DROSHA: variants seen among roughly 807,000 people sequenced by gnomAD.
The protein encoded by DROSHA is ribonuclease 3.
A neutral mutation model predicts 181.9 loss-of-function variants in DROSHA; 56 were observed. The ratio of observed to expected loss-of-function variants is 0.31; its 90% CI spans 0.25 to 0.38. The LOEUF (loss-of-function observed/expected upper bound fraction) is 0.38, where lower values mean the gene tolerates loss of function less well. Ranked by LOEUF, DROSHA falls within the 10% of genes least tolerant of loss-of-function variation. DROSHA has a pLI of 1.00. For missense variants in DROSHA, 1,218 were observed against 1,743.5 expected, an observed-to-expected ratio of 0.70 and a Z score of 5.37; for synonymous variants, 524 against 591.2, an observed-to-expected ratio of 0.89 and a Z score of 1.65.
At chr5:31,464,173 T>C (rs763406860) in intron 20 of DROSHA, 63 bp downstream of exon 20, 2 of 1,395,068 alleles carry the variant, frequency 1.4e-6, no homozygotes, top group Admixed American at 3.7e-5. Context: ...AAACCCTCAG[T>C]ACCAGATTTG....
intron 23 of DROSHA, among the ~76,000 whole-genome samples, chr5:31,437,766 C>T (rs1470337919): frequency 6.6e-6 from 1 of 152,154 alleles, no homozygotes; most frequent in African/African-American, 2.4e-5. Flanking sequence ...TCTACGTTTT[C>T]AGTCTCATTA....
At chr5:31,472,317 C>A in intron 16 of DROSHA, 85 bp from the exon 17 acceptor site, 2 of 1,423,430 alleles carry the variant, frequency 1.4e-6, no homozygotes, top group Admixed American at 2.6e-5. Context: ...AGGAAAAAAA[C>A]AAGACAATGG....
intron 14 of DROSHA, among the ~76,000 whole-genome samples, 162 bp from the exon 15 acceptor site, chr5:31,485,124 G>A (rs1324353741): frequency 1.3e-5 from 2 of 152,106 alleles, no homozygotes; most frequent in East Asian, 1.9e-4. Context: ...AGTTTCAGAT[G>A]GAAATGAAAT....
intron 10 of DROSHA, among the ~76,000 whole-genome samples, chr5:31,505,333 G>GA (rs142862788): frequency 1.0e-3 from 153 of 151,010 alleles, no homozygotes; most frequent in African/African-American, 3.4e-3. Context: ...TAATTTAAAA[G>GA]AAAAAAAAAT....
chr5:31,466,153 A>G, intron 19 of DROSHA, 29 bp downstream of exon 19: 1 of 1,602,622 alleles, frequency 6.2e-7, no homozygotes, highest in Non-Finnish European at 8.5e-7. Context: ...ATCATCGTTA[A>G]TCACCAAGGA....
At chr5:31,506,751 T>C (rs1424104407) in intron 10 of DROSHA, among the ~76,000 whole-genome samples, 9 of 151,818 alleles carry the variant, frequency 5.9e-5, no homozygotes, top group Non-Finnish European at 1.2e-4. Context: ...CAGTCATGAC[T>C]TGTTGTGATG....
At chr5:31,495,928 TG>T (rs1488057793) in intron 11 of DROSHA, among the ~76,000 whole-genome samples, 1 of 152,154 alleles carries the variant, frequency 6.6e-6, no homozygotes, top group East Asian at 1.9e-4. Flanking sequence ...GTGATGGGCC[TG>T]GGGAGGCCAA....
intron 23 of DROSHA, among the ~76,000 whole-genome samples, chr5:31,446,583 C>A: frequency 7.1e-6 from 1 of 140,946 alleles, no homozygotes; most frequent in African/African-American, 2.7e-5. Context: ...TTTAAAAAGA[C>A]AGATAAATGG....
At chr5:31,457,048 C>T (rs779683194) in intron 20 of DROSHA, among the ~76,000 whole-genome samples, 1 of 151,498 alleles carries the variant, frequency 6.6e-6, no homozygotes, top group Non-Finnish European at 1.5e-5. Flanking sequence ...TGTAAGATAC[C>T]ACCATTCATA....
chr5:31,498,094 A>G (rs192917222), intron 11 of DROSHA, among the ~76,000 whole-genome samples: 164 of 152,296 alleles, frequency 1.1e-3, no homozygotes, highest in African/African-American at 3.7e-3. Context: ...TTGTTTTAAG[A>G]CTTATGAAAG....
intron 5 of DROSHA, among the ~76,000 whole-genome samples, chr5:31,523,765 A>T (rs1320145619): frequency 1.3e-5 from 2 of 152,094 alleles, no homozygotes; most frequent in African/African-American, 4.8e-5. Flanking sequence ...ACCTGAGGTC[A>T]GGAGTTCGAG....
chr5:31,486,621 A>G, intron 13 of DROSHA, 59 bp from the exon 14 acceptor site: 4 of 1,513,798 alleles, frequency 2.6e-6, no homozygotes, highest in Non-Finnish European at 3.6e-6. Flanking sequence ...CTCATATTAT[A>G]CACGTTTGTT....
chr5:31,479,528 G>A (rs1219765050), intron 16 of DROSHA, among the ~76,000 whole-genome samples: 2 of 152,088 alleles, frequency 1.3e-5, no homozygotes, highest in African/African-American at 2.4e-5. Flanking sequence ...TGAGTATCTT[G>A]ACTTTAGGGT....
chr5:31,409,568 G>A lies in DROSHA; in HGVS notation c.3668-236C>T. 2.0e-6 allele frequency: 1 copy of A among 492,436 alleles called. No homozygotes were observed. Among genetic ancestry groups the A allele is most frequent in the Admixed American group, 3.4e-5 (1 of 29,600 alleles). 30.5% of individuals were successfully genotyped at this position (492,436 alleles called of 1,614,324 possible). On this transcript the variant is annotated intron_variant, in intron 31 of 35. Coordinates refer to ENST00000344624, the MANE Select transcript of DROSHA (RefSeq NM_001382508.1). The surrounding 1 kb of genome is among the most constrained non-coding windows in gnomAD (Gnocchi z 4.0). ...AACACCAAACTGCATTTAGCTAAGG[G>A]CTAAAGGAATAGCTTAAAAGGTACA...
intron 11 of DROSHA, among the ~76,000 whole-genome samples, chr5:31,497,103 G>A (rs897262357): frequency 1.3e-5 from 2 of 152,210 alleles, no homozygotes; most frequent in African/African-American, 4.8e-5. Context: ...CAGGCCAAGT[G>A]ATGCGACTCT....
At chr5:31,446,226 C>T (rs998844225) in intron 23 of DROSHA, among the ~76,000 whole-genome samples, 44 of 151,248 alleles carry the variant, frequency 2.9e-4, no homozygotes, top group Admixed American at 8.5e-4. Flanking sequence ...GCGGGCGGAT[C>T]ACAAGGTCAG....
Position 31,495,274 on chromosome 5 carries a change from T to C in DROSHA, c.1755+12A>G. ...TTTTAAATGATATGCATGTGATTCT[T>C]TAGAAACTTACTAAAAAGTTCGTAG... On this transcript the variant is annotated intron_variant, in intron 12 of 35. Transcript: ENST00000344624. 6.2e-7 allele frequency: 1 copy of C among 1,612,400 alleles called. No homozygotes were observed. Among genetic ancestry groups the C allele is most frequent in the South Asian group, 1.1e-5 (1 of 90,704 alleles).
intron 20 of DROSHA, among the ~76,000 whole-genome samples, chr5:31,461,166 T>C (rs775739747): frequency 6.6e-6 from 1 of 152,190 alleles, no homozygotes; most frequent in South Asian, 2.1e-4. Flanking sequence ...TGCTACATGA[T>C]AAAACATTTT....
chr5:31,422,688 T>C (rs1742912597), intron 29 of DROSHA, 99 bp downstream of exon 29: 5 of 1,456,190 alleles, frequency 3.4e-6, no homozygotes, highest in African/African-American at 2.8e-5. Context: ...CCTGGAAATA[T>C]ATTTGAAATC....
Sources: allele counts gnomAD v4.1 joint callset (sites outside exome capture counted in the v4.1 genomes callset), GRCh38; gene constraint gnomAD v4.1.1; non-coding constraint Gnocchi (gnomAD v3.1); transcripts MANE v1.5; gene names NCBI Gene and HGNC (gene_info 2026-07-23, HGNC 2026-07-21).